ZBTB7C: variants seen among roughly 807,000 people sequenced by gnomAD.
The protein encoded by ZBTB7C is zinc finger and BTB domain-containing protein 7C.
In ZBTB7C, 8 loss-of-function variants were observed where a neutral mutation model predicts 25.7. The observed-to-expected ratio is 0.31, with a 90% CI of 0.18 to 0.56. The LOEUF is 0.56. ZBTB7C is among the 20% of genes least tolerant of loss of function. The pLI is 0.91. For synonymous variants in ZBTB7C, 394 were observed against 369.0 expected (o/e 1.07, Z -0.78); for missense variants, 824 against 855.2 (o/e 0.96, Z 0.46).
intron 3 of ZBTB7C, among the ~76,000 whole-genome samples, chr18:48,179,131 C>A (rs1045817472): frequency 6.6e-6 from 1 of 152,316 alleles, no homozygotes; most frequent in Middle Eastern, 3.4e-3. Flanking sequence ...TCCATTTCTC[C>A]AGCAGGAACA....
intron 2 of ZBTB7C, among the ~76,000 whole-genome samples, chr18:48,263,866 C>T (rs2044238932): frequency 6.6e-6 from 1 of 152,024 alleles, no homozygotes; most frequent in Non-Finnish European, 1.5e-5. Context: ...CAATAATATA[C>T]CATTTTATAG....
intron 2 of ZBTB7C, among the ~76,000 whole-genome samples, chr18:48,277,225 G>C (rs1312671720): frequency 1.4e-5 from 2 of 145,536 alleles, no homozygotes; most frequent in African/African-American, 2.6e-5. Flanking sequence ...CAAAATGGGA[G>C]AAAATTTTCG....
chr18:48,279,052 G>A (rs2044752725), intron 2 of ZBTB7C, among the ~76,000 whole-genome samples: 1 of 151,842 alleles, frequency 6.6e-6, no homozygotes, highest in Admixed American at 6.6e-5. Context: ...TGGTATGCTG[G>A]GCACACTGTC....
At chr18:48,129,786 T>C (rs2039931100) in intron 3 of ZBTB7C, among the ~76,000 whole-genome samples, 1 of 145,076 alleles carries the variant, frequency 6.9e-6, no homozygotes, top group South Asian at 2.4e-4. Context: ...CCCCACCCCC[T>C]GACAGCTTTA....
chr18:48,220,758 TAG>T (rs1319609723), intron 2 of ZBTB7C, among the ~76,000 whole-genome samples: 18 of 152,102 alleles, frequency 1.2e-4, no homozygotes, highest in African/African-American at 4.3e-4. Flanking sequence ...CACTCTACAA[TAG>T]AAAGAGTCCA....
At chr18:48,340,190 G>A (rs960644477) in intron 1 of ZBTB7C, among the ~76,000 whole-genome samples, 1 of 152,180 alleles carries the variant, frequency 6.6e-6, no homozygotes, top group African/African-American at 2.4e-5. Context: ...ATGACATAGA[G>A]AAACTCACAA....
At chr18:48,157,115 C>G (rs973915273) in intron 3 of ZBTB7C, among the ~76,000 whole-genome samples, 1 of 152,218 alleles carries the variant, frequency 6.6e-6, no homozygotes, top group Non-Finnish European at 1.5e-5. Flanking sequence ...GCAGGGTTCT[C>G]TGGGTGACCT....
chr18:48,344,336 AC>A (rs2046676307), intron 1 of ZBTB7C, among the ~76,000 whole-genome samples: 2 of 152,190 alleles, frequency 1.3e-5, no homozygotes, highest in Admixed American at 6.5e-5. Context: ...CTTATGAATC[AC>A]CTGGGATCTT....
At chr18:48,397,839 G>A (rs1233090854) in intron 1 of ZBTB7C, among the ~76,000 whole-genome samples, 2 of 152,152 alleles carry the variant, frequency 1.3e-5, no homozygotes, top group Admixed American at 6.5e-5. Flanking sequence ...CCACGTCTTG[G>A]GCTTCTCCTG....
At chr18:48,197,829 G>A (rs1370313520) in intron 2 of ZBTB7C, among the ~76,000 whole-genome samples, 1 of 152,128 alleles carries the variant, frequency 6.6e-6, no homozygotes, top group Non-Finnish European at 1.5e-5. Flanking sequence ...GGGAGCTAGG[G>A]CTTCAACATA....
intron 2 of ZBTB7C, among the ~76,000 whole-genome samples, chr18:48,254,897 A>C (rs1359927411): frequency 6.6e-6 from 1 of 152,178 alleles, no homozygotes; most frequent in Non-Finnish European, 1.5e-5. Context: ...TGGTTTGTTC[A>C]TGATGCTCAC....
chr18:48,351,152 C>T (rs141036724), intron 1 of ZBTB7C, among the ~76,000 whole-genome samples: 128 of 152,194 alleles, frequency 8.4e-4, no homozygotes, highest in Non-Finnish European at 1.7e-3. Flanking sequence ...ACACACACTC[C>T]CCACCCCAAG....
chr18:48,340,436 C>G (rs1262324232), intron 1 of ZBTB7C, among the ~76,000 whole-genome samples: 1 of 152,172 alleles, frequency 6.6e-6, no homozygotes. Context: ...GAAAATCTGC[C>G]CCTGGCATCA....
At chr18:48,089,479 GAAAA>G (rs35998953) in intron 3 of ZBTB7C, among the ~76,000 whole-genome samples, 1 of 127,934 alleles carries the variant, frequency 7.8e-6, no homozygotes, top group Admixed American at 8.0e-5. Flanking sequence ...ACTCCATCTC[GAAAA>G]AAAAAAAAAA....
intron 2 of ZBTB7C, among the ~76,000 whole-genome samples, chr18:48,329,701 C>T (rs531735562): frequency 4.1e-4 from 62 of 152,212 alleles, no homozygotes; most frequent in African/African-American, 1.4e-3. Context: ...GTGTTTGTAC[C>T]GACACTGTCC....
rs557934232 is a variant in ZBTB7C, at chr18:48,305,079, C to T, written c.-79+33095G>A. ...GGACAGCGCCCCTGCTCCCCAGGTGCGCGGGGCCTGCCACTGGAATTATAA... is the reference window on the plus strand; with the variant it reads ...GGACAGCGCCCCTGCTCCCCAGGTGTGCGGGGCCTGCCACTGGAATTATAA... On this transcript the variant is annotated intron_variant, in intron 2 of 4. Coordinates refer to ENST00000590800, the MANE Select transcript of ZBTB7C (RefSeq NM_001318841.2). Among the ~76,000 whole-genome samples the T allele has an allele frequency of 4.7e-4, 72 of 152,226 alleles. 1 individual carries two copies. Among genetic ancestry groups the T allele is most frequent in the African/African-American group, 1.6e-3 (68 of 41,550 alleles).
At chr18:48,202,276 G>C (rs2042469280) in intron 2 of ZBTB7C, among the ~76,000 whole-genome samples, 1 of 152,196 alleles carries the variant, frequency 6.6e-6, no homozygotes, top group African/African-American at 2.4e-5. Context: ...AAGCCTCATG[G>C]GCAGGGCTGG....
intron 3 of ZBTB7C, among the ~76,000 whole-genome samples, chr18:48,165,778 T>C (rs1000911043): frequency 3.9e-5 from 6 of 152,188 alleles, no homozygotes; most frequent in Non-Finnish European, 8.8e-5. Flanking sequence ...CAACAGCCCC[T>C]CTTTGCAGGG....
intron 3 of ZBTB7C, among the ~76,000 whole-genome samples, chr18:48,170,371 G>A (rs749482846): frequency 5.9e-5 from 9 of 152,220 alleles, no homozygotes; most frequent in Admixed American, 4.6e-4. Flanking sequence ...CTCTTGGGGG[G>A]CCTGGCAGCC....
Sources: gnomAD v4.1 joint callset for allele counts (sites outside exome capture counted in the v4.1 genomes callset) on GRCh38, gnomAD v4.1.1 for gene constraint, MANE v1.5 for transcripts, NCBI Gene and HGNC (gene_info 2026-07-23, HGNC 2026-07-21) for gene names.